The following ADM5 variants were observed in gnomAD, a reference collection of about 807,000 sequenced individuals.
ADM5 encodes the protein adrenomedullin 5 (putative), also known as putative adrenomedullin-5-like protein.
ADM5 carries 1 observed loss-of-function variant against 2.9 expected under a neutral mutation model. The ratio of observed to expected loss-of-function variants is 0.35; its 90% CI spans 0.12 to 1.65. The LOEUF (loss-of-function observed/expected upper bound fraction) is 1.65. Among genes scored for constraint, ADM5 ranks in the 40% most tolerant of loss-of-function variants. The pLI, the probability that ADM5 is intolerant of heterozygous loss-of-function variation, is 0.36. For missense variants in ADM5, 192 were observed against 205.2 expected (o/e 0.94, Z 0.39); for synonymous variants, 90 against 91.1 (o/e 0.99, Z 0.07).
Position 49,690,539 on chromosome 19 carries a change from A to G in ADM5, c.*46A>G. ...GGACCAGGCTGGGCGAAGAACACTG[A>G]CGCCCAGAGCCGAATAAACAAGAGT... On this transcript the variant is annotated 3_prime_UTR_variant, in exon 2 of 2. Transcript: ENST00000420022. This position sits in a 1 kb window ranked among gnomAD's most constrained non-coding sequence, Gnocchi z 4.4. 1 of 1,405,496 alleles carries G rather than the reference A, an allele frequency of 7.1e-7. No homozygotes were observed. Among genetic ancestry groups the G allele is most frequent in the Non-Finnish European group, 9.5e-7 (1 of 1,054,138 alleles). The allele number at this position is 1,405,496 out of a possible 1,614,324, so 87.1% of individuals were successfully genotyped here.
Position 49,689,670 on chromosome 19 carries a change from T to A in ADM5, c.-168T>A. 1.3e-6 allele frequency: 1 copy of A among 799,310 alleles called. No homozygotes were observed. Among genetic ancestry groups the A allele is most frequent in the Non-Finnish European group, 2.0e-6 (1 of 495,328 alleles). The allele number at this position is 799,310 out of a possible 1,614,324, so 49.5% of individuals were successfully genotyped here. A position where few individuals can be genotyped will look rare whatever the true frequency, so the allele number is the denominator to read the frequency against. ...TTTGAATCCTGCCCCTCTGGTGTGG[T>A]GCGGCCTCTTCCCACAGACTTTTGG... is the stretch of plus-strand genomic sequence containing the variant. On this transcript the variant is annotated 5_prime_UTR_variant, in exon 1 of 2. Transcript: ENST00000420022.
In ADM5 at chr19:49,689,891, G is replaced by T. The variant is rs768599233; in HGVS notation, c.54G>T (p.Gly18=). The change falls in exon 1 of 2, where the codon GGG becomes GGT. Residue 18 remains glycine, a synonymous_variant. Coordinates refer to ENST00000420022, the MANE Select transcript of ADM5 (RefSeq NM_001101340.2). ...TGCTCCTCGCCTTCTCCGCCCAAGGGGACCTGGACACTGCAGCCAGGTGAG... is the reference window on the plus strand; with the variant it reads ...TGCTCCTCGCCTTCTCCGCCCAAGGTGACCTGGACACTGCAGCCAGGTGAG... ...LLLLLAFSAQ[G]DLDTAARRGQ... 8.1e-6 allele frequency: 13 copies of T among 1,613,864 alleles called. No homozygotes were observed. The African/African-American group carries it at 1.6e-4, about 20-fold the overall frequency.
Position 49,690,110 on chromosome 19 carries a change from G to A in ADM5, c.79G>A (p.Gly27Ser), listed in dbSNP as rs79588684. Residue 27 changes from glycine (G) to serine (S), a missense_variant, in exon 2 of 2, where the codon GGC (glycine) becomes AGC (serine). Coordinates refer to ENST00000420022, the MANE Select transcript of ADM5 (RefSeq NM_001101340.2). The surrounding 1 kb of genome is among the most constrained non-coding windows in gnomAD (Gnocchi z 4.4). The stretch of plus-strand genomic sequence containing the variant: ...TCTCCCACGCTCCCTCTCCAGGCGA[G>A]GCCAGCACCAGGTCCCCCAGCACCG... ...QGDLDTAARR[G>S]QHQVPQHRGH... 2 of 1,556,940 alleles carry A rather than the reference G, an allele frequency of 1.3e-6. No homozygotes were observed. Among genetic ancestry groups the A allele is most frequent in the African/African-American group, 2.7e-5 (2 of 73,300 alleles).
Position 49,690,188 on chromosome 19 carries a change from A to C in ADM5, c.157A>C (p.Ile53Leu), listed in dbSNP as rs1459246207. Residue 53 changes from isoleucine (I) to leucine (L), a missense_variant, in exon 2 of 2, where the codon ATA becomes CTA. By Grantham distance (5) the Ile-to-Leu change is conservative (BLOSUM62 2). Coordinates refer to ENST00000420022, the MANE Select transcript of ADM5 (RefSeq NM_001101340.2). The surrounding 1 kb of genome is among the most constrained non-coding windows in gnomAD (Gnocchi z 4.4). ...VCRTHRLAEI[I>L]YWIRCLHQGA... is the part of the protein sequence containing the mutation. ...CCGGACCCACCGCCTGGCGGAGATC[A>C]TATACTGGATTCGCTGTCTCCACCA... 1.9e-6 allele frequency: 3 copies of C among 1,564,716 alleles called. No homozygotes were observed. Among genetic ancestry groups the C allele is most frequent in the Non-Finnish European group, 2.6e-6 (3 of 1,155,450 alleles).
At position 49,690,009 on chromosome 19, in the gene ADM5, C is replaced by T; in HGVS notation, c.75-97C>T. 1 of 1,603,820 alleles carries T rather than the reference C, an allele frequency of 6.2e-7. No individual in the cohort carries two copies. The highest frequency in any genetic ancestry group is 8.5e-7 in the Non-Finnish European group (1 of 1,174,212). On this transcript the variant is annotated intron_variant, in intron 1 of 1. Transcript: ENST00000420022. The surrounding 1 kb of genome is among the most constrained non-coding windows in gnomAD (Gnocchi z 4.4). ...CGGAACGGGCAGGTGATCTGTAAGC[C>T]TCCCCGCTGGTCTTGGAGTGCTTGG...
Position 49,689,823 on chromosome 19 carries a change from C to T in ADM5, c.-15C>T, listed in dbSNP as rs753640028. Reference sequence around the variant, plus strand: ...CGCAACTACGGGCCACGGATCCTGACCCGCCCTGCCCACGATGACTATCCA... The same window carrying T: ...CGCAACTACGGGCCACGGATCCTGATCCGCCCTGCCCACGATGACTATCCA... On this transcript the variant is annotated 5_prime_UTR_variant, in exon 1 of 2. Transcript: ENST00000420022. 1.2e-6 allele frequency: 2 copies of T among 1,613,840 alleles called. No individual in the cohort carries two copies. The highest frequency in any genetic ancestry group is 2.2e-5 in the East Asian group (1 of 44,880).
In ADM5 at chr19:49,690,487, C is replaced by T; in HGVS notation, c.456C>T (p.Cys152=). 2 of 1,507,162 alleles carry T rather than the reference C, an allele frequency of 1.3e-6. No individual in the cohort carries two copies. The highest frequency in any genetic ancestry group is 2.6e-5 in the South Asian group (2 of 78,314). The allele number at this position is 1,507,162 out of a possible 1,614,324, so 93.4% of individuals were successfully genotyped here. The change falls in exon 2 of 2, where the codon TGC becomes TGT. Residue 152 remains cysteine (C), a synonymous_variant. Transcript: ENST00000420022. This position sits in a 1 kb window ranked among gnomAD's most constrained non-coding sequence, Gnocchi z 4.4. ...ETVFPSPSPG[C]D Reference sequence around the variant, plus strand: ...TCTTCCCCAGTCCCTCCCCGGGCTGCGACTAGGTTGGACCTAGAAGCACAC... The same window carrying T: ...TCTTCCCCAGTCCCTCCCCGGGCTGTGACTAGGTTGGACCTAGAAGCACAC...
In ADM5 at chr19:49,690,379, C is replaced by G; in HGVS notation, c.348C>G (p.Pro116=). The change falls in exon 2 of 2, where the codon CCC becomes CCG. Residue 116 remains proline, a synonymous_variant. Transcript: ENST00000420022. The surrounding 1 kb of genome is among the most constrained non-coding windows in gnomAD (Gnocchi z 4.4). ...ARWVTSGTAR[P]LLGFSLPICM... ...GGGTGACCTCGGGCACGGCTCGTCC[C>G]CTCCTCGGCTTCAGTTTGCCTATCT... 1.3e-5 allele frequency: 20 copies of G among 1,551,610 alleles called. No homozygotes were observed. The highest frequency in any genetic ancestry group is 1.7e-5 in the Non-Finnish European group (20 of 1,146,904).
At position 49,690,553 on chromosome 19, in the gene ADM5, A is replaced by G. The variant is rs2082310929; in HGVS notation, c.*60A>G. 1 of 1,377,218 alleles carries G rather than the reference A, an allele frequency of 7.3e-7. No homozygotes were observed. Among genetic ancestry groups the G allele is most frequent in the African/African-American group, 1.5e-5 (1 of 68,038 alleles). 85.3% of individuals were successfully genotyped at this position (1,377,218 alleles called of 1,614,324 possible). ...GAAGAACACTGACGCCCAGAGCCGA[A>G]TAAACAAGAGTTCCGTGTTTCAGTC... On this transcript the variant is annotated 3_prime_UTR_variant, in exon 2 of 2. Transcript: ENST00000420022. This position sits in a 1 kb window ranked among gnomAD's most constrained non-coding sequence, Gnocchi z 4.4.
In ADM5 at chr19:49,689,704, T is replaced by C. The variant is rs2082284176; in HGVS notation, c.-134T>C. ...TTCCCACAGACTTTTGGCCTCAGTG[T>C]TCCCCGCCTGGGAAGTGGGGACTGG... On this transcript the variant is annotated 5_prime_UTR_variant, in exon 1 of 2. Transcript: ENST00000420022. 9.5e-6 allele frequency: 11 copies of C among 1,154,004 alleles called. No individual in the cohort carries two copies. The Admixed American group carries it at 2.1e-4, about 22-fold the overall frequency. The allele number at this position is 1,154,004 out of a possible 1,614,324, so 71.5% of individuals were successfully genotyped here. A position where few individuals can be genotyped will look rare whatever the true frequency, so the allele number is the denominator to read the frequency against.
rs555506411 is a variant in ADM5 at position 49,690,560 on chromosome 19, A to G, written c.*67A>G. Reference sequence around the variant, plus strand: ...ACTGACGCCCAGAGCCGAATAAACAAGAGTTCCGTGTTTCAGTCTCTGCTT... The same window carrying G: ...ACTGACGCCCAGAGCCGAATAAACAGGAGTTCCGTGTTTCAGTCTCTGCTT... On this transcript the variant is annotated 3_prime_UTR_variant, in exon 2 of 2. Coordinates refer to ENST00000420022, the MANE Select transcript of ADM5 (RefSeq NM_001101340.2). The surrounding 1 kb of genome is among the most constrained non-coding windows in gnomAD (Gnocchi z 4.4). The G allele has an allele frequency of 6.7e-6, 9 of 1,351,790 alleles. No homozygotes were observed. The Admixed American group carries it at 1.1e-4, about 17-fold the overall frequency. 83.7% of individuals were successfully genotyped at this position (1,351,790 alleles called of 1,614,324 possible).
Position 49,689,712 on chromosome 19 carries a change from C to A in ADM5, c.-126C>A. 1 of 1,227,380 alleles carries A rather than the reference C, an allele frequency of 8.1e-7. No homozygotes were observed. Among genetic ancestry groups the A allele is most frequent in the Non-Finnish European group, 1.2e-6 (1 of 849,026 alleles). The allele number at this position is 1,227,380 out of a possible 1,614,324, so 76.0% of individuals were successfully genotyped here. ...GACTTTTGGCCTCAGTGTTCCCCGC[C>A]TGGGAAGTGGGGACTGGCCCTGGTA... On this transcript the variant is annotated 5_prime_UTR_variant, in exon 1 of 2. In the 5' UTR this introduces an upstream ATG that the reference lacks. Transcript: ENST00000420022.
In ADM5 at chr19:49,690,118, C is replaced by G. The variant is rs779335298; in HGVS notation, c.87C>G (p.His29Gln). 2 of 1,559,242 alleles carry G rather than the reference C, an allele frequency of 1.3e-6. No homozygotes were observed. The highest frequency in any genetic ancestry group is 2.4e-5 in the South Asian group (2 of 84,956). ...GCTCCCTCTCCAGGCGAGGCCAGCA[C>G]CAGGTCCCCCAGCACCGCGGGCACG... ...DLDTAARRGQHQVPQHRGHVC... is the reference protein window; with the variant it reads ...DLDTAARRGQQQVPQHRGHVC... The change falls in exon 2 of 2, where the codon CAC becomes CAG. Residue 29 changes from histidine to glutamine, a missense_variant. Physicochemically the swap from His to Gln is conservative, Grantham distance 24 (BLOSUM62 0). Coordinates refer to ENST00000420022, the MANE Select transcript of ADM5 (RefSeq NM_001101340.2). The surrounding 1 kb of genome is among the most constrained non-coding windows in gnomAD (Gnocchi z 4.4).
In ADM5 at chr19:49,690,224, G is replaced by A. The variant is rs1165048836; in HGVS notation, c.193G>A (p.Gly65Arg). ...WIRCLHQGAL[G>R]EGQPRAPGPL... Reference sequence around the variant, plus strand: ...TCGCTGTCTCCACCAAGGAGCCCTCGGGGAAGGCCAGCCACGAGCCCCAGG... The same window carrying A: ...TCGCTGTCTCCACCAAGGAGCCCTCAGGGAAGGCCAGCCACGAGCCCCAGG... Residue 65 changes from glycine (G) to arginine (R), a missense_variant, in exon 2 of 2, where the codon GGG (glycine) becomes AGG (arginine). Transcript: ENST00000420022. The surrounding 1 kb of genome is among the most constrained non-coding windows in gnomAD (Gnocchi z 4.4). The A allele has an allele frequency of 2.6e-6, 4 of 1,554,998 alleles. No homozygotes were observed. The highest frequency in any genetic ancestry group is 3.5e-6 in the Non-Finnish European group (4 of 1,149,256).
chr19:49,690,390 T>C lies in ADM5; in HGVS notation c.359T>C (p.Phe120Ser), dbSNP rs909895122. ...TSGTARPLLG[F>S]SLPICMLELL... ...GGCACGGCTCGTCCCCTCCTCGGCT[T>C]CAGTTTGCCTATCTGTATGTTGGAG... Residue 120 changes from phenylalanine (F) to serine (S), a missense_variant, in exon 2 of 2, where the codon TTC becomes TCC. Phe to Ser is a radical substitution (Grantham distance 155). Transcript: ENST00000420022. This position sits in a 1 kb window ranked among gnomAD's most constrained non-coding sequence, Gnocchi z 4.4. 1 of 1,551,424 alleles carries C rather than the reference T, an allele frequency of 6.4e-7. No individual in the cohort carries two copies. Among genetic ancestry groups the C allele is most frequent in the Non-Finnish European group, 8.7e-7 (1 of 1,146,888 alleles).
chr19:49,689,912 G>C lies in ADM5; in HGVS notation c.74+1G>C. On this transcript the variant is annotated splice_donor_variant, in intron 1 of 1. Transcript: ENST00000420022. LOFTEE classifies it high-confidence loss of function. Reference sequence around the variant, plus strand: ...AAGGGGACCTGGACACTGCAGCCAGGTGAGAAACCCGGGTGGCAGCAGGGA... The same window carrying C: ...AAGGGGACCTGGACACTGCAGCCAGCTGAGAAACCCGGGTGGCAGCAGGGA... 2 of 1,613,964 alleles carry C rather than the reference G, an allele frequency of 1.2e-6. No individual in the cohort carries two copies. The highest frequency in any genetic ancestry group is 8.5e-7 in the Non-Finnish European group (1 of 1,179,870).
chr19:49,690,541 G>A lies in ADM5; in HGVS notation c.*48G>A. The A allele has an allele frequency of 7.1e-7, 1 of 1,401,646 alleles. No homozygotes were observed. Among genetic ancestry groups the A allele is most frequent in the Non-Finnish European group, 9.5e-7 (1 of 1,052,224 alleles). 86.8% of individuals were successfully genotyped at this position (1,401,646 alleles called of 1,614,324 possible). On this transcript the variant is annotated 3_prime_UTR_variant, in exon 2 of 2. Coordinates refer to ENST00000420022, the MANE Select transcript of ADM5 (RefSeq NM_001101340.2). This position sits in a 1 kb window ranked among gnomAD's most constrained non-coding sequence, Gnocchi z 4.4. Reference sequence around the variant, plus strand: ...ACCAGGCTGGGCGAAGAACACTGACGCCCAGAGCCGAATAAACAAGAGTTC... The same window carrying A: ...ACCAGGCTGGGCGAAGAACACTGACACCCAGAGCCGAATAAACAAGAGTTC...
Position 49,690,083 on chromosome 19 carries a change from T to G in ADM5, c.75-23T>G. 1.9e-6 allele frequency: 3 copies of G among 1,546,190 alleles called. No individual in the cohort carries two copies. The highest frequency in any genetic ancestry group is 2.6e-6 in the Non-Finnish European group (3 of 1,143,296). ...TCTCTCAATTCGGTTTGAACCCGGT[T>G]TTCTCCCACGCTCCCTCTCCAGGCG... On this transcript the variant is annotated intron_variant, in intron 1 of 1. Coordinates refer to ENST00000420022, the MANE Select transcript of ADM5 (RefSeq NM_001101340.2). This position sits in a 1 kb window ranked among gnomAD's most constrained non-coding sequence, Gnocchi z 4.4.
chr19:49,689,731 C>T lies in ADM5; in HGVS notation c.-107C>T, dbSNP rs1394453200. ...CCCCGCCTGGGAAGTGGGGACTGGC[C>T]CTGGTACCTGGCTCCAGAGCTGCAC... On this transcript the variant is annotated 5_prime_UTR_variant, in exon 1 of 2. Transcript: ENST00000420022. 8 of 1,404,462 alleles carry T rather than the reference C, an allele frequency of 5.7e-6. No individual in the cohort carries two copies. The East Asian group carries it at 1.4e-4, about 24-fold the overall frequency. The allele number at this position is 1,404,462 out of a possible 1,614,324, so 87.0% of individuals were successfully genotyped here. A position where few individuals can be genotyped will look rare whatever the true frequency, so the allele number is the denominator to read the frequency against.
Sources: gnomAD v4.1 joint callset for allele counts on GRCh38, gnomAD v4.1.1 for gene constraint, Gnocchi (gnomAD v3.1) non-coding constraint, MANE v1.5 for transcripts, NCBI Gene and HGNC (gene_info 2026-07-23, HGNC 2026-07-21) for gene names.